The following TMED3 variants were observed in gnomAD, a reference collection of about 807,000 sequenced individuals.
TMED3 encodes transmembrane p24 trafficking protein 3.
TMED3 carries 9 observed loss-of-function variants against 15.0 expected under a neutral mutation model. That is an observed-to-expected ratio of 0.60 (90% CI 0.36 to 1.04). The LOEUF (loss-of-function observed/expected upper bound fraction) is 1.04, where lower values mean the gene tolerates loss of function less well. TMED3 is among the 50% of genes least tolerant of loss of function. The probability of loss-of-function intolerance (pLI) is 0.01; values close to 1 mark genes in which losing one functional copy is unlikely to be tolerated. For synonymous variants in TMED3, 117 were observed against 121.4 expected, an observed-to-expected ratio of 0.96 and a Z score of 0.24; for missense variants, 267 against 278.9, an observed-to-expected ratio of 0.96 and a Z score of 0.30.
In TMED3 at chr15:79,374,443, A is replaced by G. The variant is rs535541714; in HGVS notation, c.418-36957A>G. Among the ~76,000 whole-genome samples the G allele has an allele frequency of 2.0e-5, 3 of 152,216 alleles. No homozygotes were observed. In the South Asian group the frequency reaches 6.2e-4, roughly 32 times the overall value. ...GAATGCCCTTGGCCAAGAGGAGTCC[A>G]TTCAGTCAGTTGGGGGGCTTAGAAT... On this transcript the variant is annotated intron_variant, in intron 2 of 2. Coordinates refer to the TMED3 transcript ENST00000424155.
At chr15:79,411,293 C>T (rs2141261375) in intron 2 of TMED3, 1 of 623,646 alleles carries the variant, frequency 1.6e-6, no homozygotes, top group East Asian at 2.8e-5. Context: ...CACAAAGGGG[C>T]TAGGCAATCA....
intron 2 of TMED3, among the ~76,000 whole-genome samples, chr15:79,332,793 G>A (rs1002970851): frequency 6.6e-6 from 1 of 152,198 alleles, no homozygotes; most frequent in African/African-American, 2.4e-5. Context: ...AAAGTCATCT[G>A]ATCTAGTGTT....
At chr15:79,347,980 A>G (rs1472106467) in intron 2 of TMED3, among the ~76,000 whole-genome samples, 1 of 152,230 alleles carries the variant, frequency 6.6e-6, no homozygotes, top group African/African-American at 2.4e-5. Context: ...AAATGTTTGA[A>G]AAAACACTAG....
In TMED3 at chr15:79,317,609, TATG is replaced by T. The variant is rs2058746271; in HGVS notation, c.417+3605_417+3607del. Among the ~76,000 whole-genome samples the T allele has an allele frequency of 5.8e-4, 5 of 8,660 alleles. No homozygotes were observed. In the South Asian group the frequency reaches 0.14, roughly 241 times the overall value. The allele number at this position is 8,660 out of a possible 152,430, so 5.7% of individuals were successfully genotyped here. ...ATGCATATGTGTACATATGAATACATATGTGTGTGTGCCACACATACATATACA... is the reference window on the plus strand; with the variant it reads ...ATGCATATGTGTACATATGAATACATTGTGTGTGCCACACATACATATACA... On this transcript the variant is annotated intron_variant, in intron 2 of 2. Coordinates refer to ENST00000299705, the MANE Select transcript of TMED3 (RefSeq NM_007364.4).
chr15:79,324,181 C>T (rs1307357017), downstream of TMED3, among the ~76,000 whole-genome samples: 4 of 152,088 alleles, frequency 2.6e-5, no homozygotes, highest in Admixed American at 6.6e-5. Context: ...TTAGTAGAGA[C>T]GGGGTTTCAC....
chr15:79,354,942 A>G (rs1307646751), intron 2 of TMED3, among the ~76,000 whole-genome samples: 2 of 152,096 alleles, frequency 1.3e-5, no homozygotes, highest in African/African-American at 2.4e-5. Flanking sequence ...AATGCCCTCT[A>G]TGAGTTATTT....
intron 2 of TMED3, among the ~76,000 whole-genome samples, chr15:79,369,561 T>C (rs915759251): frequency 6.6e-5 from 10 of 152,342 alleles, no homozygotes; most frequent in Non-Finnish European, 1.3e-4. Flanking sequence ...CTCTTGTTAA[T>C]TGGACTCTGC....
chr15:79,352,664 G>GAAAA lies in TMED3; in HGVS notation c.417+38666_417+38669dup, dbSNP rs146674672. ...CGGAAAACACAAGGTCATTAACTAA[G>GAAAA]AAAAAAAAAATATATATATATATGT... On this transcript the variant is annotated intron_variant, in intron 2 of 2. Transcript: ENST00000424155. 8.6e-3 allele frequency among the ~76,000 whole-genome samples: 1,051 copies of GAAAA among 122,644 alleles called. 7 individuals carry two copies. The highest frequency in any genetic ancestry group is 0.015 in the East Asian group (66 of 4,424). 80.5% of individuals were successfully genotyped at this position (122,644 alleles called of 152,430 possible).
intron 2 of TMED3, among the ~76,000 whole-genome samples, chr15:79,367,691 T>A (rs964496514): frequency 2.0e-5 from 3 of 152,074 alleles, no homozygotes; most frequent in African/African-American, 7.2e-5. Context: ...GACAACCCGA[T>A]GGGTTGCAGG....
chr15:79,398,973 T>C (rs1893798824), intron 2 of TMED3, among the ~76,000 whole-genome samples: 1 of 152,162 alleles, frequency 6.6e-6, no homozygotes, highest in African/African-American at 2.4e-5. Context: ...TGCAGTAGCA[T>C]GATCTCAGCT....
chr15:79,381,080 C>T (rs995801247), intron 2 of TMED3, among the ~76,000 whole-genome samples: 13 of 152,100 alleles, frequency 8.5e-5, no homozygotes, highest in South Asian at 4.1e-4. Context: ...GAATGACAGT[C>T]GAGGCACCTG....
At chr15:79,374,780 G>C (rs547646888) in intron 2 of TMED3, among the ~76,000 whole-genome samples, 1 of 152,288 alleles carries the variant, frequency 6.6e-6, no homozygotes, top group African/African-American at 2.4e-5. Flanking sequence ...AAATGGACCA[G>C]GGCAAACAGG....
At chr15:79,369,667 G>A (rs74024657) in intron 2 of TMED3, among the ~76,000 whole-genome samples, 5,048 of 152,268 alleles carry the variant, frequency 0.033, 263 homozygotes, top group African/African-American at 0.11. Flanking sequence ...CTCATGTTTC[G>A]TCTGTGTTCA....
intron 2 of TMED3, among the ~76,000 whole-genome samples, chr15:79,330,207 A>G (rs2058803025): frequency 6.6e-6 from 1 of 152,254 alleles, no homozygotes. Context: ...GCAATTAGGT[A>G]AGATAAAGAA....
chr15:79,391,641 G>A (rs117315504), intron 2 of TMED3, among the ~76,000 whole-genome samples: 133 of 152,160 alleles, frequency 8.7e-4, no homozygotes, highest in Non-Finnish European at 1.4e-3. Context: ...TTTCTGTCTC[G>A]ATGACCTGTC....
intron 2 of TMED3, among the ~76,000 whole-genome samples, chr15:79,397,283 A>G (rs1235145739): frequency 6.6e-6 from 1 of 152,208 alleles, no homozygotes; most frequent in Non-Finnish European, 1.5e-5. Context: ...TTGAGAAGGA[A>G]GAAAGAGTTT....
intron 2 of TMED3, among the ~76,000 whole-genome samples, chr15:79,364,825 C>G (rs1232272480): frequency 6.6e-6 from 1 of 152,108 alleles, no homozygotes; most frequent in East Asian, 1.9e-4. Context: ...TGAGAGCCAC[C>G]TCCACCACCC....
At chr15:79,344,236 A>G (rs1432763723) in intron 2 of TMED3, among the ~76,000 whole-genome samples, 2 of 152,234 alleles carry the variant, frequency 1.3e-5, no homozygotes, top group East Asian at 3.8e-4. Context: ...TTCAGGAGTG[A>G]GGAGTGAGCC....
At chr15:79,398,102 A>G (rs1893785479) in intron 2 of TMED3, among the ~76,000 whole-genome samples, 2 of 152,170 alleles carry the variant, frequency 1.3e-5, no homozygotes, top group South Asian at 4.1e-4. Context: ...CATACAGAGT[A>G]GTTTCACTGC....
Sources: gnomAD v4.1 joint callset for allele counts (sites outside exome capture counted in the v4.1 genomes callset) on GRCh38, gnomAD v4.1.1 for gene constraint, MANE v1.5 for transcripts, NCBI Gene and HGNC (gene_info 2026-07-23, HGNC 2026-07-21) for gene names.